TPRG1: variants seen among roughly 807,000 people sequenced by gnomAD.
TPRG1 encodes tumor protein p63 regulated 1, also known as tumor protein p63-regulated gene 1 protein.
A neutral mutation model predicts 29.3 loss-of-function variants in TPRG1; 29 were observed. The observed-to-expected ratio is 0.99, with a 90% CI of 0.74 to 1.35. The LOEUF (loss-of-function observed/expected upper bound fraction) is 1.35, where lower values mean the gene tolerates loss of function less well. TPRG1 is among the 40% of genes most tolerant of loss of function. The pLI, the probability that TPRG1 is intolerant of heterozygous loss-of-function variation, is 0.00. For missense variants in TPRG1, 327 were observed against 335.0 expected (o/e 0.98, Z 0.19); for synonymous variants, 130 against 116.8 (o/e 1.11, Z -0.73).
At chr3:189,259,333 G>C (rs1158796155) in intron 4 of TPRG1, among the ~76,000 whole-genome samples, 2 of 151,800 alleles carry the variant, frequency 1.3e-5, no homozygotes, top group Admixed American at 1.3e-4. Context: ...TGTACCCACT[G>C]TCTAATCAGT....
intron 1 of TPRG1, among the ~76,000 whole-genome samples, chr3:189,185,628 A>G (rs1730821488): frequency 1.8e-5 from 2 of 114,118 alleles, no homozygotes; most frequent in Admixed American, 1.8e-4. Context: ...GTAGAAAGTT[A>G]TAAAAAAAGA....
chr3:189,043,729 G>A (rs551492515), intron 4 of TPRG1, among the ~76,000 whole-genome samples: 1 of 152,050 alleles, frequency 6.6e-6, no homozygotes, highest in Non-Finnish European at 1.5e-5. Context: ...AGGAGGGCAC[G>A]GTGACATTGG....
intron 4 of TPRG1, among the ~76,000 whole-genome samples, chr3:189,048,261 A>C (rs1715096236): frequency 6.6e-6 from 1 of 152,216 alleles, no homozygotes; most frequent in South Asian, 2.1e-4. Flanking sequence ...TGCATTGTCA[A>C]TGAGCAGTAA....
chr3:189,005,906 T>G (rs557976888), intron 3 of TPRG1, among the ~76,000 whole-genome samples: 2 of 152,154 alleles, frequency 1.3e-5, no homozygotes, highest in African/African-American at 4.8e-5. Context: ...ATGAAGCATG[T>G]AACAGAAAAT....
chr3:189,102,048 C>T (rs1578356917), intron 1 of TPRG1, among the ~76,000 whole-genome samples: 1 of 152,168 alleles, frequency 6.6e-6, no homozygotes, highest in Non-Finnish European at 1.5e-5. Context: ...TGTCTCTCCT[C>T]TCTCTATCTC....
chr3:189,106,955 A>G (rs911014535), intron 1 of TPRG1, among the ~76,000 whole-genome samples: 1 of 152,176 alleles, frequency 6.6e-6, no homozygotes, highest in South Asian at 2.1e-4. Context: ...AATTTAAAAA[A>G]TAATATTAGT....
At chr3:189,302,640 G>T (rs1377208520) in intron 4 of TPRG1, among the ~76,000 whole-genome samples, 1 of 152,110 alleles carries the variant, frequency 6.6e-6, no homozygotes, top group African/African-American at 2.4e-5. Flanking sequence ...CTCCAAATAG[G>T]CCATTTAGAT....
intron 5 of TPRG1, among the ~76,000 whole-genome samples, chr3:189,165,741 C>T (rs1355193757): frequency 1.3e-5 from 2 of 152,082 alleles, no homozygotes; most frequent in African/African-American, 4.8e-5. Context: ...ATTTGTGTGA[C>T]AGTGGAGTAA....
intron 1 of TPRG1, among the ~76,000 whole-genome samples, chr3:189,189,416 T>C (rs1731386998): frequency 6.6e-6 from 1 of 152,118 alleles, no homozygotes; most frequent in South Asian, 2.1e-4. Context: ...CTAAACTACA[T>C]TTAGATAGTT....
At chr3:189,205,247 C>T (rs879109984) in intron 1 of TPRG1, among the ~76,000 whole-genome samples, 3 of 152,170 alleles carry the variant, frequency 2.0e-5, no homozygotes, top group Non-Finnish European at 4.4e-5. Flanking sequence ...CTGGAAAGAT[C>T]GGATAAGAAA....
intron 1 of TPRG1, among the ~76,000 whole-genome samples, chr3:189,198,737 C>T (rs1732973380): frequency 6.6e-6 from 1 of 152,082 alleles, no homozygotes; most frequent in Admixed American, 6.5e-5. Flanking sequence ...TTGCTCATGG[C>T]CCACTAGTGA....
intron 3 of TPRG1, among the ~76,000 whole-genome samples, chr3:189,017,600 G>A (rs1167159727): frequency 2.0e-5 from 3 of 152,134 alleles, no homozygotes; most frequent in African/African-American, 7.2e-5. Context: ...TGGTGTATAT[G>A]TGCCACATTT....
At chr3:189,013,989 T>C (rs1712788893) in intron 3 of TPRG1, among the ~76,000 whole-genome samples, 1 of 152,196 alleles carries the variant, frequency 6.6e-6, no homozygotes, top group South Asian at 2.1e-4. Context: ...TGGGGGCCCA[T>C]GTCGTCTTCT....
chr3:189,077,393 T>C lies in TPRG1; in HGVS notation c.-462-49664T>C, dbSNP rs562210612. ...ATTTTTGCCTATACTAACTAACTAA[T>C]AGTTAGGCAACTAATAGTTAGTTAG... On this transcript the variant is annotated intron_variant, in intron 4 of 10. Transcript: ENST00000433971. Among the ~76,000 whole-genome samples, 6 of 152,114 alleles carry C rather than the reference T, an allele frequency of 3.9e-5. 1 individual carries two copies. The highest frequency in any genetic ancestry group is 3.3e-4 in the Admixed American group (5 of 15,284).
At chr3:189,099,271 G>A (rs1021079263), upstream of TPRG1, among the ~76,000 whole-genome samples, 1 of 152,186 alleles carries the variant, frequency 6.6e-6, no homozygotes, top group Non-Finnish European at 1.5e-5. Flanking sequence ...GTTGATGCCA[G>A]ATGAAATATG....
At chr3:189,290,764 C>T (rs1718858514) in intron 4 of TPRG1, among the ~76,000 whole-genome samples, 1 of 152,134 alleles carries the variant, frequency 6.6e-6, no homozygotes, top group African/African-American at 2.4e-5. Flanking sequence ...CAGGCTGAGA[C>T]CCTCTCATAA....
At chr3:189,276,141 A>C (rs1355981555) in intron 4 of TPRG1, among the ~76,000 whole-genome samples, 16 of 152,080 alleles carry the variant, frequency 1.1e-4, no homozygotes, top group Non-Finnish European at 4.4e-5. Flanking sequence ...CAAGGTAAGG[A>C]GGGTGTGAAG....
chr3:189,282,837 G>C (rs1247144583), intron 4 of TPRG1, among the ~76,000 whole-genome samples: 1 of 152,194 alleles, frequency 6.6e-6, no homozygotes, highest in East Asian at 1.9e-4. Context: ...TGGAAGGGGG[G>C]ATGGGAAGAT....
chr3:189,082,825 C>T (rs1365011344), intron 4 of TPRG1, among the ~76,000 whole-genome samples: 1 of 152,178 alleles, frequency 6.6e-6, no homozygotes, highest in Non-Finnish European at 1.5e-5. Context: ...TATTTGACTG[C>T]TGATAATATC....
Sources: gnomAD v4.1 joint callset for allele counts (sites outside exome capture counted in the v4.1 genomes callset) on GRCh38, gnomAD v4.1.1 for gene constraint, MANE v1.5 for transcripts, NCBI Gene and HGNC (gene_info 2026-07-23, HGNC 2026-07-21) for gene names.